Variants in RBFOX1 observed in about 807,000 individuals in gnomAD.
The protein encoded by RBFOX1 is RNA binding fox-1 homolog 1, also known as RNA binding protein fox-1 homolog 1.
Under a neutral mutation model 57.7 loss-of-function variants are expected in RBFOX1, and 8 were observed. The observed-to-expected ratio is 0.14, with a 90% CI of 0.08 to 0.25. RBFOX1 has a LOEUF of 0.25. Among genes scored for constraint, RBFOX1 ranks in the 10% least tolerant of loss-of-function variants. The probability of loss-of-function intolerance (pLI) is 1.00; values close to 1 mark genes in which losing one functional copy is unlikely to be tolerated. For synonymous variants in RBFOX1, 326 were observed against 222.4 expected (o/e 1.47, Z -4.15); for missense variants, 611 against 548.5 (o/e 1.11, Z -1.14).
intron 2 of RBFOX1, among the ~76,000 whole-genome samples, chr16:6,422,916 A>G (rs1044356593): frequency 1.3e-5 from 2 of 152,230 alleles, no homozygotes. Flanking sequence ...TGCAGTATTC[A>G]GTTTTCTGTT....
chr16:6,501,536 T>A (rs2095928574), intron 2 of RBFOX1, among the ~76,000 whole-genome samples: 1 of 152,016 alleles, frequency 6.6e-6, no homozygotes, highest in Non-Finnish European at 1.5e-5. Context: ...ATCCAGTCTA[T>A]CATTGTTGGA....
intron 2 of RBFOX1, among the ~76,000 whole-genome samples, chr16:6,390,746 A>C (rs2152932089): frequency 6.6e-6 from 1 of 152,258 alleles, no homozygotes; most frequent in South Asian, 2.1e-4. Context: ...AGCACCTATA[A>C]ATATCGGGGC....
chr16:5,547,053 C>T (rs1325544126), intron 2 of RBFOX1, among the ~76,000 whole-genome samples: 1 of 152,136 alleles, frequency 6.6e-6, no homozygotes, highest in Non-Finnish European at 1.5e-5. Flanking sequence ...CAATGAGATA[C>T]CATTATACAT....
At chr16:6,830,103 G>C (rs2092597085) in intron 3 of RBFOX1, among the ~76,000 whole-genome samples, 1 of 151,056 alleles carries the variant, frequency 6.6e-6, no homozygotes. Context: ...TTTTAATGGA[G>C]ACAAGGTTTT....
chr16:6,888,139 T>A (rs559246368), intron 3 of RBFOX1, among the ~76,000 whole-genome samples: 17 of 152,276 alleles, frequency 1.1e-4, no homozygotes, highest in African/African-American at 4.1e-4. Flanking sequence ...AGGTTTTATT[T>A]AGGATTTAAG....
At chr16:5,830,944 G>A (rs564279920) in intron 3 of RBFOX1, among the ~76,000 whole-genome samples, 13 of 148,038 alleles carry the variant, frequency 8.8e-5, no homozygotes, top group Admixed American at 1.4e-4. Context: ...AACTCAGACT[G>A]TCTCACCTGC....
At chr16:7,493,629 T>C (rs1245066849) in intron 4 of RBFOX1, among the ~76,000 whole-genome samples, 1 of 151,990 alleles carries the variant, frequency 6.6e-6, no homozygotes, top group African/African-American at 2.4e-5. Context: ...GAAACTGGAG[T>C]AATGCATTTT....
At chr16:7,093,729 T>A (rs1412285906) in intron 4 of RBFOX1, among the ~76,000 whole-genome samples, 1 of 152,194 alleles carries the variant, frequency 6.6e-6, no homozygotes, top group Non-Finnish European at 1.5e-5. Context: ...TACGCTATTT[T>A]CCGCTTGAGC....
At chr16:6,924,481 G>A (rs1374188226) in intron 3 of RBFOX1, among the ~76,000 whole-genome samples, 1 of 151,940 alleles carries the variant, frequency 6.6e-6, no homozygotes, top group East Asian at 1.9e-4. Context: ...TCTTGAGGAA[G>A]CCACCCCCAT....
chr16:6,416,232 G>A (rs2093620987), intron 2 of RBFOX1, among the ~76,000 whole-genome samples: 1 of 152,156 alleles, frequency 6.6e-6, no homozygotes, highest in South Asian at 2.1e-4. Context: ...CCATCGGGTG[G>A]ATTTATTTTC....
At position 7,441,047 on chromosome 16, in the gene RBFOX1, A is replaced by G. The variant is rs370483608; in HGVS notation, c.28-77100A>G. 3.5e-3 allele frequency among the ~76,000 whole-genome samples: 493 copies of G among 139,220 alleles called. 3 individuals are homozygous for G. Among genetic ancestry groups the G allele is most frequent in the African/African-American group, 0.014 (472 of 34,066 alleles). 91.3% of individuals were successfully genotyped at this position (139,220 alleles called of 152,430 possible). On this transcript the variant is annotated intron_variant, in intron 4 of 15. Coordinates refer to ENST00000550418, the MANE Select transcript of RBFOX1 (RefSeq NM_018723.4). ...ACAGAGGACCCATTTCTTAAAAACC[A>G]AAGAAAAAAAAAAGACAGCTGTTAT... is the stretch of plus-strand genomic sequence containing the variant.
intron 2 of RBFOX1, among the ~76,000 whole-genome samples, chr16:6,616,917 T>G (rs796623922): frequency 3.3e-5 from 5 of 152,324 alleles, no homozygotes; most frequent in Admixed American, 1.3e-4. Context: ...TCATGCTCAT[T>G]TGTTTACATA....
chr16:6,290,307 A>G (rs1379445491), intron 1 of RBFOX1, among the ~76,000 whole-genome samples: 1 of 151,148 alleles, frequency 6.6e-6, no homozygotes, highest in African/African-American at 2.4e-5. Flanking sequence ...AAACAAGATC[A>G]TTAGAGGTAA....
At position 6,834,278 on chromosome 16, in the gene RBFOX1, G is replaced by A. The variant is rs57655682; in HGVS notation, c.-16+179628G>A. Among the ~76,000 whole-genome samples the A allele has an allele frequency of 7.0e-3, 1,070 of 152,080 alleles. 13 individuals are homozygous for A. Among genetic ancestry groups the A allele is most frequent in the African/African-American group, 0.024 (1,003 of 41,496 alleles). On this transcript the variant is annotated intron_variant, in intron 3 of 15. Transcript: ENST00000550418. Reference sequence around the variant, plus strand: ...TTAGTAGAGATGGGGGTTTCACCACGTTGGCCAGGCTGGTCTCAAACTCCC... The same window carrying A: ...TTAGTAGAGATGGGGGTTTCACCACATTGGCCAGGCTGGTCTCAAACTCCC...
At chr16:6,854,259 A>G (rs1464776316) in intron 3 of RBFOX1, among the ~76,000 whole-genome samples, 1 of 152,146 alleles carries the variant, frequency 6.6e-6, no homozygotes, top group Non-Finnish European at 1.5e-5. Flanking sequence ...CATTAGCACC[A>G]TTTCCTAGTT....
At chr16:5,406,435 C>G (rs1450398797) in intron 1 of RBFOX1, among the ~76,000 whole-genome samples, 6 of 152,104 alleles carry the variant, frequency 3.9e-5, no homozygotes, top group Non-Finnish European at 8.8e-5. Flanking sequence ...CCTTTGGACC[C>G]AGACTAGGAT....
At chr16:6,362,802 C>T (rs2534752) in intron 2 of RBFOX1, among the ~76,000 whole-genome samples, 128,805 of 152,202 alleles carry the variant, frequency 0.85, 54,835 homozygotes, top group East Asian at 0.96. Flanking sequence ...AAACATCACA[C>T]TGGCAGTGCA....
At chr16:6,207,486 A>G (rs2097262999) in intron 1 of RBFOX1, among the ~76,000 whole-genome samples, 1 of 152,070 alleles carries the variant, frequency 6.6e-6, no homozygotes, top group Admixed American at 6.6e-5. Context: ...TTTCCCTCTT[A>G]CATTTTGTGG....
At chr16:7,621,318 T>C (rs2059285143) in intron 10 of RBFOX1, among the ~76,000 whole-genome samples, 1 of 152,150 alleles carries the variant, frequency 6.6e-6, no homozygotes, top group Admixed American at 6.5e-5. Flanking sequence ...TGGAGTGCAG[T>C]GGTGCAAGCT....
Sources: allele counts gnomAD v4.1 joint callset (sites outside exome capture counted in the v4.1 genomes callset), GRCh38; gene constraint gnomAD v4.1.1; transcripts MANE v1.5; gene names NCBI Gene and HGNC (gene_info 2026-07-23, HGNC 2026-07-21).